KDM4B: variants seen among roughly 807,000 people sequenced by gnomAD.
The protein encoded by KDM4B is lysine-specific demethylase 4B.
KDM4B carries 32 observed loss-of-function variants against 125.2 expected under a neutral mutation model. The ratio of observed to expected loss-of-function variants is 0.26; its 90% CI spans 0.19 to 0.34. KDM4B has a LOEUF of 0.34. Among genes scored for constraint, KDM4B ranks in the 10% least tolerant of loss-of-function variants. The probability of loss-of-function intolerance (pLI) is 1.00; values close to 1 mark genes in which losing one functional copy is unlikely to be tolerated. For synonymous variants in KDM4B, 721 were observed against 677.9 expected (o/e 1.06, Z -0.99); for missense variants, 1,190 against 1,577.7 (o/e 0.75, Z 4.16).
At chr19:5,080,001 G>T (rs1035281991) in intron 8 of KDM4B, among the ~76,000 whole-genome samples, 1 of 152,214 alleles carries the variant, frequency 6.6e-6, no homozygotes, top group Non-Finnish European at 1.5e-5. Flanking sequence ...AGCCCTTGGG[G>T]ACCCCATGTC....
At chr19:5,151,057 G>A (rs1017250353) in intron 22 of KDM4B, among the ~76,000 whole-genome samples, 1 of 152,174 alleles carries the variant, frequency 6.6e-6, no homozygotes, top group Non-Finnish European at 1.5e-5. Context: ...AGCCGCAGAG[G>A]GGTCCCTCGG....
Position 4,978,041 on chromosome 19 carries a change from G to A in KDM4B, c.-109+8811G>A, listed in dbSNP as rs2034508851. 2.0e-5 allele frequency among the ~76,000 whole-genome samples: 3 copies of A among 152,182 alleles called. No homozygotes were observed. In the South Asian group the frequency reaches 6.2e-4, roughly 31 times the overall value. On this transcript the variant is annotated intron_variant, in intron 1 of 22. Transcript: ENST00000159111. ...GAGCGGGCCTCCTGTCTTGCAGTCG[G>A]GCCGCGTGGATCTGATTGTCTTGCT... is the stretch of plus-strand genomic sequence containing the variant.
intron 15 of KDM4B, among the ~76,000 whole-genome samples, chr19:5,136,231 A>T (rs1443710136): frequency 6.6e-6 from 1 of 152,156 alleles, no homozygotes; most frequent in African/African-American, 2.4e-5. Flanking sequence ...GGTCACAGTG[A>T]GATTGCAGCG....
rs1225175956 is a variant in KDM4B, at chr19:5,115,965, T to G, written c.1116-3688T>G. 6.6e-6 allele frequency among the ~76,000 whole-genome samples: 1 copy of G among 152,128 alleles called. No individual in the cohort carries two copies. Among genetic ancestry groups the G allele is most frequent in the East Asian group, 1.9e-4 (1 of 5,200 alleles). On this transcript the variant is annotated intron_variant, in intron 10 of 22. Transcript: ENST00000159111. This position sits in a 1 kb window ranked among gnomAD's most constrained non-coding sequence, Gnocchi z 4.2. The stretch of plus-strand genomic sequence containing the variant: ...TGTCCCGGGACCCAAAGGCTTTGCA[T>G]TTCCAGGTTAAAAAGTCCACCAGAA...
chr19:5,126,550 C>T (rs1299374512), intron 11 of KDM4B, among the ~76,000 whole-genome samples: 2 of 152,242 alleles, frequency 1.3e-5, no homozygotes, highest in Non-Finnish European at 2.9e-5. Context: ...GTGGGGCAGC[C>T]AGCCCCCAGC....
At chr19:5,042,682 G>T (rs372762610) in intron 5 of KDM4B, among the ~76,000 whole-genome samples, 24 of 141,292 alleles carry the variant, frequency 1.7e-4, no homozygotes, top group African/African-American at 6.1e-4. Context: ...GAGAGAGTGA[G>T]GGGGGGGGCG....
intron 1 of KDM4B, among the ~76,000 whole-genome samples, chr19:4,985,078 T>C (rs890751602): frequency 2.0e-5 from 3 of 152,180 alleles, no homozygotes; most frequent in African/African-American, 7.2e-5. Flanking sequence ...ATCCTAGCAC[T>C]TTGGGAGGCC....
At chr19:5,132,152 C>G (rs577127119) in intron 13 of KDM4B, 145 bp downstream of exon 13, 2 of 1,061,894 alleles carry the variant, frequency 1.9e-6, no homozygotes, top group African/African-American at 3.2e-5. Flanking sequence ...GTGGCTCTGC[C>G]GTAGCGACAG....
At chr19:5,060,278 A>C (rs1400159908) in intron 6 of KDM4B, among the ~76,000 whole-genome samples, 1 of 152,006 alleles carries the variant, frequency 6.6e-6, no homozygotes, top group African/African-American at 2.4e-5. Flanking sequence ...GTCTCTATTA[A>C]AAATACAAAA....
intron 1 of KDM4B, among the ~76,000 whole-genome samples, chr19:4,981,822 C>T (rs2034653229): frequency 6.6e-6 from 1 of 152,154 alleles, no homozygotes; most frequent in Non-Finnish European, 1.5e-5. Flanking sequence ...TGGGGTGCCC[C>T]ATCAGTACCC....
Position 5,066,970 on chromosome 19 carries a change from C to T in KDM4B, c.627-4040C>T, listed in dbSNP as rs181812933. On this transcript the variant is annotated intron_variant, in intron 6 of 22. Transcript: ENST00000159111. ...CCTGGGTCCTGGGTCCCGCGTCCTG[C>T]GTCCCGGCCGATGTGAGTCCTCAGA... Among the ~76,000 whole-genome samples, 3 of 152,260 alleles carry T rather than the reference C, an allele frequency of 2.0e-5. No individual in the cohort carries two copies. The East Asian group carries it at 5.8e-4, about 29-fold the overall frequency.
chr19:5,087,985 G>A (rs763280837), intron 9 of KDM4B, among the ~76,000 whole-genome samples: 15 of 152,188 alleles, frequency 9.9e-5, no homozygotes, highest in Admixed American at 3.3e-4. Context: ...CACGTCTTTC[G>A]GGAGCTAAAT....
chr19:5,145,574 C>T (rs185590011), intron 21 of KDM4B, among the ~76,000 whole-genome samples: 186 of 152,096 alleles, frequency 1.2e-3, no homozygotes, highest in Non-Finnish European at 1.8e-3. Flanking sequence ...GGTGACAGAG[C>T]GAGACTCAGC....
At chr19:5,089,341 C>T (rs1046544573) in intron 9 of KDM4B, among the ~76,000 whole-genome samples, 4 of 152,216 alleles carry the variant, frequency 2.6e-5, no homozygotes, top group Non-Finnish European at 5.9e-5. Flanking sequence ...GTCTCTGGAA[C>T]ACGTGCATAC....
chr19:5,072,683 G>A (rs2037985101), intron 7 of KDM4B, among the ~76,000 whole-genome samples: 1 of 152,194 alleles, frequency 6.6e-6, no homozygotes, highest in South Asian at 2.1e-4. Flanking sequence ...AGCATCCTGA[G>A]GCTCCTGTAA....
At chr19:5,008,401 T>C (rs2035625028) in intron 1 of KDM4B, among the ~76,000 whole-genome samples, 1 of 152,190 alleles carries the variant, frequency 6.6e-6, no homozygotes, top group African/African-American at 2.4e-5. Flanking sequence ...CCATGCTGTC[T>C]TGATTACTGT....
At chr19:4,982,524 T>A (rs936115984) in intron 1 of KDM4B, among the ~76,000 whole-genome samples, 10 of 151,906 alleles carry the variant, frequency 6.6e-5, no homozygotes, top group South Asian at 2.1e-4. Flanking sequence ...TTCCTTTTTT[T>A]AAAAAAATTT....
At chr19:5,120,138 C>G (rs1211322019) in intron 11 of KDM4B, among the ~76,000 whole-genome samples, 1 of 152,196 alleles carries the variant, frequency 6.6e-6, no homozygotes, top group Non-Finnish European at 1.5e-5. Context: ...GGCAGGATCA[C>G]TTGAGTCCAG....
chr19:5,094,968 T>G (rs943845769), intron 9 of KDM4B, among the ~76,000 whole-genome samples: 1 of 151,854 alleles, frequency 6.6e-6, no homozygotes, highest in Non-Finnish European at 1.5e-5. Context: ...TGTGGAGGGG[T>G]CTGCAGCTCG....
Sources: allele counts gnomAD v4.1 joint callset (sites outside exome capture counted in the v4.1 genomes callset), GRCh38; gene constraint gnomAD v4.1.1; non-coding constraint Gnocchi (gnomAD v3.1); transcripts MANE v1.5; gene names NCBI Gene and HGNC (gene_info 2026-07-23, HGNC 2026-07-21).